Variants in SACS observed in about 807,000 individuals in gnomAD.
The protein encoded by SACS is sacsin.
In SACS, 197 loss-of-function variants were observed where a neutral mutation model predicts 348.0. The observed-to-expected ratio is 0.57, with a 90% CI of 0.50 to 0.64. The LOEUF (loss-of-function observed/expected upper bound fraction) is 0.64. SACS is among the 30% of genes least tolerant of loss of function. SACS has a pLI of 0.00. For synonymous variants in SACS, 1,985 were observed against 1,910.6 expected (o/e 1.04, Z -1.02); for missense variants, 4,999 against 5,360.8 (o/e 0.93, Z 2.11).
chr13:23,393,922 G>A (rs371149001), intron 2 of SACS, among the ~76,000 whole-genome samples: 7 of 152,060 alleles, frequency 4.6e-5, no homozygotes, highest in East Asian at 3.9e-4. Context: ...CACCGCGCCC[G>A]GCTAATTTTT....
intron 2 of SACS, among the ~76,000 whole-genome samples, chr13:23,397,788 T>C (rs1872764757): frequency 6.6e-6 from 1 of 152,192 alleles, no homozygotes; most frequent in African/African-American, 2.4e-5. Flanking sequence ...CAAATATGAG[T>C]GACCATGGCC....
chr13:23,403,055 G>A (rs986025850), intron 2 of SACS, among the ~76,000 whole-genome samples: 7 of 151,960 alleles, frequency 4.6e-5, no homozygotes, highest in Admixed American at 6.6e-5. Flanking sequence ...GCAGATGCCC[G>A]TAATCCCAGC....
At chr13:23,368,318 A>C (rs1871183952) in intron 5 of SACS, 84 bp downstream of exon 5, 3 of 992,640 alleles carry the variant, frequency 3.0e-6, no homozygotes, top group East Asian at 5.2e-5. Flanking sequence ...TTAAAAATTT[A>C]AACACTAATA....
chr13:23,368,978 C>A (rs189954630), intron 4 of SACS, among the ~76,000 whole-genome samples: 2 of 152,098 alleles, frequency 1.3e-5, no homozygotes, highest in Admixed American at 6.5e-5. Flanking sequence ...GGATTCCAGG[C>A]GTGAGCCACC....
In SACS at chr13:23,337,652, G is replaced by T; in HGVS notation, c.6224C>A (p.Pro2075His). 1 of 1,613,344 alleles carries T rather than the reference G, an allele frequency of 6.2e-7. No homozygotes were observed. The highest frequency in any genetic ancestry group is 8.5e-7 in the Non-Finnish European group (1 of 1,179,700). ...IQEIEAELRDPLMIFVLNEKV... is the reference protein window; with the variant it reads ...IQEIEAELRDHLMIFVLNEKV... ...TTCATTTAGAACAAAGATCATTAAA[G>T]GATCTCTAAGTTCTGCTTCAATTTC... is the stretch of plus-strand genomic sequence containing the variant. The change falls in exon 10 of 10, where the codon CCT becomes CAT. Residue 2075 changes from proline (P) to histidine (H), a missense_variant. Transcript: ENST00000382292.
At chr13:23,353,119 G>T (rs868590635) in intron 9 of SACS, among the ~76,000 whole-genome samples, 2 of 152,154 alleles carry the variant, frequency 1.3e-5, no homozygotes, top group African/African-American at 4.8e-5. Flanking sequence ...TTGAAAGGTA[G>T]TATTAAAATT....
chr13:23,405,981 G>A (rs140739187), intron 2 of SACS, among the ~76,000 whole-genome samples: 5,609 of 152,156 alleles, frequency 0.037, 341 homozygotes, highest in African/African-American at 0.13. Context: ...ACAGTGTGGC[G>A]ATTCCTCACT....
chr13:23,352,487 TGTAATCTTCTG>T (rs1220891787), intron 9 of SACS, among the ~76,000 whole-genome samples: 3 of 152,230 alleles, frequency 2.0e-5, no homozygotes, highest in East Asian at 1.9e-4. Flanking sequence ...TAATCTTCTG[TGTAATCTTCTG>T]GTAATCTTCT....
In SACS at chr13:23,335,179, AT is replaced by A; in HGVS notation, c.8696del (p.Asp2899ValfsTer15). ...CACTTCGAACACCAACTCCATTATC[AT>A]CACGCCACAGGTTCCTTCTGGCTGA... The part of the protein sequence containing the change: ...LDSARRNLWR[D>X]DNGVGVRSDW... On this transcript the variant is annotated frameshift_variant, in exon 10 of 10. Transcript: ENST00000382292. LOFTEE classifies it high-confidence loss of function. The surrounding 1 kb of genome is among the most constrained non-coding windows in gnomAD (Gnocchi z 4.7). The A allele has an allele frequency of 6.2e-7, 1 of 1,613,936 alleles. No individual in the cohort carries two copies. The highest frequency in any genetic ancestry group is 8.5e-7 in the Non-Finnish European group (1 of 1,179,900).
chr13:23,332,102 T>A lies in SACS; in HGVS notation c.11774A>T (p.Asp3925Val). ...TCTACTTTTATAATGTGGCGCATCG[T>A]CAAACACTAAGATGCTTGACTTTAC... ...RLVKSSILVF[D>V]DAPHYKSRIQ... The change falls in exon 10 of 10, where the codon GAC (aspartate) becomes GTC (valine). Residue 3925 changes from aspartate to valine, a missense_variant. Coordinates refer to ENST00000382292, the MANE Select transcript of SACS (RefSeq NM_014363.6). 1.2e-6 allele frequency: 2 copies of A among 1,614,086 alleles called. No homozygotes were observed. The highest frequency in any genetic ancestry group is 8.5e-7 in the Non-Finnish European group (1 of 1,179,968).
rs370324250 is a variant in SACS at position 23,339,248 on chromosome 13, T to C, written c.4628A>G (p.Glu1543Gly). ...GTCAACTTCTCCCCTTTTTAAAGATTCTCCTAACCTAGTTATGTTCACAAA... is the reference window on the plus strand; with the variant it reads ...GTCAACTTCTCCCCTTTTTAAAGATCCTCCTAACCTAGTTATGTTCACAAA... ...SDFVNITRLG[E>G]SLKRGEVDKV... The change falls in exon 10 of 10, where the codon GAA (glutamate) becomes GGA (glycine). Residue 1543 changes from glutamate (E) to glycine (G), a missense_variant. Glu to Gly is a moderately conservative substitution (Grantham distance 98, BLOSUM62 -2). Around this residue, in one of 6 missense-constraint regions of SACS, gnomAD observed 3,156 missense variants for 3,380.1 expected, o/e 0.93. Coordinates refer to ENST00000382292, the MANE Select transcript of SACS (RefSeq NM_014363.6). 3.8e-5 allele frequency: 61 copies of C among 1,603,518 alleles called. No individual in the cohort carries two copies. Among genetic ancestry groups the C allele is most frequent in the Non-Finnish European group, 5.2e-5 (61 of 1,176,058 alleles).
At chr13:23,391,796 G>A (rs1028901477) in intron 2 of SACS, among the ~76,000 whole-genome samples, 2 of 111,496 alleles carry the variant, frequency 1.8e-5, no homozygotes, top group Admixed American at 9.8e-5. Context: ...GGGAGAAAGG[G>A]AATCAAACTG....
intron 2 of SACS, among the ~76,000 whole-genome samples, chr13:23,377,167 G>A (rs1007758494): frequency 7.9e-5 from 12 of 152,170 alleles, no homozygotes; most frequent in African/African-American, 2.9e-4. Flanking sequence ...ATGGGTGTGG[G>A]GTTTCTTTGG....
At chr13:23,432,839 A>G (rs949621020) in intron 1 of SACS, among the ~76,000 whole-genome samples, 1 of 152,170 alleles carries the variant, frequency 6.6e-6, no homozygotes, top group Non-Finnish European at 1.5e-5. Flanking sequence ...GGCTTTATCC[A>G]TCTTCAGGGG....
At chr13:23,390,624 C>T (rs1410209434) in intron 2 of SACS, among the ~76,000 whole-genome samples, 1 of 152,136 alleles carries the variant, frequency 6.6e-6, no homozygotes, top group Non-Finnish European at 1.5e-5. Flanking sequence ...ATCATACCAC[C>T]ACACTCCAGC....
At chr13:23,432,668 A>T (rs1025280775) in intron 1 of SACS, among the ~76,000 whole-genome samples, 33 of 149,598 alleles carry the variant, frequency 2.2e-4, no homozygotes, top group African/African-American at 7.9e-4. Context: ...TCAATTATTT[A>T]TTATTATTAT....
intron 2 of SACS, among the ~76,000 whole-genome samples, chr13:23,384,356 G>C (rs1872185149): frequency 6.6e-6 from 1 of 152,202 alleles, no homozygotes; most frequent in East Asian, 1.9e-4. Context: ...ATGTCACTCT[G>C]TGTTCCACAT....
At position 23,341,780 on chromosome 13, in the gene SACS, CTTTTTTTTTTTT is replaced by C. The variant is rs4068499; in HGVS notation, c.2186-102_2186-91del. ...ACAAATAACACAGTACTGGAAGGTT[CTTTTTTTTTTTT>C]TTTTTTTTTTTTTTGACGGAGTCTT... is the stretch of plus-strand genomic sequence containing the variant. On this transcript the variant is annotated intron_variant, in intron 9 of 9. Coordinates refer to ENST00000382292, the MANE Select transcript of SACS (RefSeq NM_014363.6). 64 of 299,050 alleles carry C rather than the reference CTTTTTTTTTTTT, an allele frequency of 2.1e-4. 1 individual carries two copies. Among genetic ancestry groups the C allele is most frequent in the Admixed American group, 1.7e-3 (28 of 16,694 alleles). The allele number at this position is 299,050 out of a possible 1,614,324, so 18.5% of individuals were successfully genotyped here. A position where few individuals can be genotyped will look rare whatever the true frequency, so the allele number is the denominator to read the frequency against.
Position 23,336,291 on chromosome 13 carries a change from T to C in SACS, c.7585A>G (p.Thr2529Ala), listed in dbSNP as rs1834197438. Residue 2529 changes from threonine (T) to alanine (A), a missense_variant, in exon 10 of 10, where the codon ACC becomes GCC. Coordinates refer to ENST00000382292, the MANE Select transcript of SACS (RefSeq NM_014363.6). The stretch of plus-strand genomic sequence containing the variant: ...TTAAGGATGCTCTTAATTCTGCTGG[T>C]CAATTTTTCTTTCTGCCCAAATTCT... ...GTEFGQKEKLTSRIKSILNAY... is the reference protein window; with the variant it reads ...GTEFGQKEKLASRIKSILNAY... The C allele has an allele frequency of 6.8e-6, 11 of 1,613,984 alleles. No homozygotes were observed. Among genetic ancestry groups the C allele is most frequent in the African/African-American group, 1.3e-5 (1 of 74,928 alleles).
Sources: gnomAD v4.1 joint callset for allele counts (sites outside exome capture counted in the v4.1 genomes callset) on GRCh38, gnomAD v4.1.1 for gene constraint, gnomAD v4.1.1 regional missense constraint, Gnocchi (gnomAD v3.1) non-coding constraint, MANE v1.5 for transcripts, NCBI Gene and HGNC (gene_info 2026-07-23, HGNC 2026-07-21) for gene names.